The following PDE9A variants were observed in gnomAD, a reference collection of about 807,000 sequenced individuals.
PDE9A encodes the protein phosphodiesterase 9A.
In PDE9A, 60 loss-of-function variants were observed where a neutral mutation model predicts 87.4. The ratio of observed to expected loss-of-function variants is 0.69; its 90% CI spans 0.56 to 0.85. The LOEUF (loss-of-function observed/expected upper bound fraction) is 0.85, where lower values mean the gene tolerates loss of function less well. Among genes scored for constraint, PDE9A ranks in the 40% least tolerant of loss-of-function variants. PDE9A has a pLI of 0.00. For missense variants in PDE9A, 665 were observed against 779.0 expected (o/e 0.85, Z 1.74); for synonymous variants, 272 against 279.4 (o/e 0.97, Z 0.27).
rs564809664 is a variant in PDE9A at position 42,678,679 on chromosome 21, A to G, written c.70-7513A>G. ...TGAAGTCGTATGTGGAAGGGGCCAT[A>G]TATCCGTCAATGCATGCTCCAAAAA... On this transcript the variant is annotated intron_variant, in intron 1 of 19. Transcript: ENST00000291539. Among the ~76,000 whole-genome samples the G allele has an allele frequency of 1.2e-4, 18 of 152,394 alleles. No individual in the cohort carries two copies. The East Asian group carries it at 3.5e-3, about 29-fold the overall frequency.
rs1372853778 is a variant in PDE9A, at chr21:42,690,459, A to G, written c.218+2465A>G. Among the ~76,000 whole-genome samples, 4 of 152,080 alleles carry G rather than the reference A, an allele frequency of 2.6e-5. No individual in the cohort carries two copies. The South Asian group carries it at 8.3e-4, about 31-fold the overall frequency. On this transcript the variant is annotated intron_variant, in intron 3 of 19. Transcript: ENST00000291539. ...AGAAAGAGCTTCAGATGCTCTATCT[A>G]TGATCGTGGGTGTGGATATAGGCAT...
At chr21:42,699,747 C>T (rs868559356) in intron 4 of PDE9A, among the ~76,000 whole-genome samples, 4 of 151,776 alleles carry the variant, frequency 2.6e-5, no homozygotes, top group Non-Finnish European at 5.9e-5. Flanking sequence ...TTGGTAGAGA[C>T]GGGATTTTGC....
At chr21:42,730,428 G>T (rs912354144) in intron 4 of PDE9A, among the ~76,000 whole-genome samples, 3 of 151,794 alleles carry the variant, frequency 2.0e-5, no homozygotes, top group African/African-American at 7.3e-5. Context: ...AAACTGATTA[G>T]TTTTTTTTAA....
At chr21:42,764,450 A>G (rs571605919) in intron 14 of PDE9A, among the ~76,000 whole-genome samples, 1 of 152,314 alleles carries the variant, frequency 6.6e-6, no homozygotes, top group South Asian at 2.1e-4. Flanking sequence ...TGCCACTGCT[A>G]CCCCAGTGGG....
chr21:42,774,308 C>T (rs751163568), intron 19 of PDE9A, among the ~76,000 whole-genome samples: 1 of 152,150 alleles, frequency 6.6e-6, no homozygotes. Flanking sequence ...TGAGTCCAGG[C>T]TTGCCAATTA....
intron 4 of PDE9A, among the ~76,000 whole-genome samples, chr21:42,719,393 G>A (rs2050257336): frequency 6.6e-6 from 1 of 151,714 alleles, no homozygotes; most frequent in African/African-American, 2.4e-5. Flanking sequence ...TCAGCACTTT[G>A]GGAGGCCGAG....
chr21:42,744,105 C>A (rs2053597577), intron 8 of PDE9A, among the ~76,000 whole-genome samples: 1 of 152,208 alleles, frequency 6.6e-6, no homozygotes, highest in Non-Finnish European at 1.5e-5. Context: ...GTAATCCCAG[C>A]ACTTTGGGAG....
rs71320552 is a variant in PDE9A, at chr21:42,722,999, G to T, written c.263-8771G>T. Among the ~76,000 whole-genome samples the T allele has an allele frequency of 6.6e-6, 1 of 152,208 alleles. No homozygotes were observed. Among genetic ancestry groups the T allele is most frequent in the Non-Finnish European group, 1.5e-5 (1 of 68,034 alleles). The stretch of plus-strand genomic sequence containing the variant: ...TGGCTTCTGGGCATCGTGTGGGGTG[G>T]GGGCAGCCCCTGCCCTGGACACCCG... On this transcript the variant is annotated intron_variant, in intron 4 of 19. Coordinates refer to ENST00000291539, the MANE Select transcript of PDE9A (RefSeq NM_002606.3). The surrounding 1 kb of genome is among the most constrained non-coding windows in gnomAD (Gnocchi z 4.1).
At chr21:42,714,308 C>T (rs1393404289) in intron 4 of PDE9A, among the ~76,000 whole-genome samples, 8 of 152,164 alleles carry the variant, frequency 5.3e-5, no homozygotes, top group East Asian at 1.9e-4. Flanking sequence ...TGAGCCACCA[C>T]GCCCAGCCCC....
In PDE9A at chr21:42,726,593, C is replaced by CAT. The variant is rs898602288; in HGVS notation, c.263-5146_263-5145dup. Among the ~76,000 whole-genome samples the CAT allele has an allele frequency of 7.2e-3, 274 of 38,152 alleles. 19 individuals carry two copies. The highest frequency in any genetic ancestry group is 0.013 in the Admixed American group (37 of 2,812). The allele number at this position is 38,152 out of a possible 152,430, so 25.0% of individuals were successfully genotyped here. ...ATTACTGAATGCCACCACGCCTGGC[C>CAT]ATATATATATATATATATATATATA... On this transcript the variant is annotated intron_variant, in intron 4 of 19. Transcript: ENST00000291539.
intron 4 of PDE9A, among the ~76,000 whole-genome samples, chr21:42,712,085 T>A (rs1306554124): frequency 6.7e-6 from 1 of 149,220 alleles, no homozygotes; most frequent in Non-Finnish European, 1.5e-5. Context: ...AAAAGCCATC[T>A]ATGACTTTGA....
At chr21:42,752,463 T>G (rs2054538403) in intron 9 of PDE9A, among the ~76,000 whole-genome samples, 1 of 152,248 alleles carries the variant, frequency 6.6e-6, no homozygotes, top group East Asian at 1.9e-4. Context: ...GAGACGGTGT[T>G]TCACCGTGTT....
chr21:42,709,984 G>A (rs1343793707), intron 4 of PDE9A, among the ~76,000 whole-genome samples: 1 of 152,164 alleles, frequency 6.6e-6, no homozygotes, highest in African/African-American at 2.4e-5. Context: ...TTAGGGTTCG[G>A]CTACTAGAAT....
intron 4 of PDE9A, among the ~76,000 whole-genome samples, chr21:42,715,496 G>A (rs558613239): frequency 1.3e-5 from 2 of 148,446 alleles, no homozygotes; most frequent in East Asian, 1.9e-4. Flanking sequence ...GCGTCATGGC[G>A]CACACCTGTA....
intron 9 of PDE9A, among the ~76,000 whole-genome samples, chr21:42,751,423 A>G (rs1682707221): frequency 6.6e-6 from 1 of 152,232 alleles, no homozygotes; most frequent in Non-Finnish European, 1.5e-5. Context: ...CAAGGACATA[A>G]CAGCTCCGTG....
chr21:42,668,521 T>C (rs2284958), intron 1 of PDE9A, among the ~76,000 whole-genome samples: 62,961 of 152,128 alleles, frequency 0.41, 17,150 homozygotes, highest in African/African-American at 0.78. Flanking sequence ...GAGTCCTGTG[T>C]GCAGAGCTCC....
At position 42,760,562 on chromosome 21, in the gene PDE9A, C is replaced by T. The variant is rs1006248685; in HGVS notation, c.1002+130C>T. ...GGGGTCCCCAGCCGCTCCGCCCCTCCTAGGGACGCACCCCTGCCCACCGTT... is the reference window on the plus strand; with the variant it reads ...GGGGTCCCCAGCCGCTCCGCCCCTCTTAGGGACGCACCCCTGCCCACCGTT... On this transcript the variant is annotated intron_variant, in intron 12 of 19. Coordinates refer to ENST00000291539, the MANE Select transcript of PDE9A (RefSeq NM_002606.3). The surrounding 1 kb of genome is among the most constrained non-coding windows in gnomAD (Gnocchi z 5.2). 4.6e-6 allele frequency: 3 copies of T among 652,272 alleles called. No individual in the cohort carries two copies. The highest frequency in any genetic ancestry group is 3.6e-5 in the African/African-American group (2 of 55,194). The allele number at this position is 652,272 out of a possible 1,614,324, so 40.4% of individuals were successfully genotyped here.
intron 8 of PDE9A, among the ~76,000 whole-genome samples, chr21:42,745,090 G>A (rs2053701615): frequency 6.6e-6 from 1 of 152,218 alleles, no homozygotes; most frequent in Non-Finnish European, 1.5e-5. Context: ...GCATGCTGAC[G>A]ATCATTCCCT....
At chr21:42,700,563 G>A (rs1019126812) in intron 4 of PDE9A, 1 of 152,178 alleles carries the variant, frequency 6.6e-6, no homozygotes, top group East Asian at 1.9e-4. Context: ...TGACAGCCAG[G>A]TAGGACCACG....
Sources: gnomAD v4.1 joint callset for allele counts (sites outside exome capture counted in the v4.1 genomes callset) on GRCh38, gnomAD v4.1.1 for gene constraint, Gnocchi (gnomAD v3.1) non-coding constraint, MANE v1.5 for transcripts, NCBI Gene and HGNC (gene_info 2026-07-23, HGNC 2026-07-21) for gene names.